The following CMC1 variants were observed in gnomAD, a reference collection of about 807,000 sequenced individuals.
CMC1 encodes the protein COX assembly mitochondrial protein homolog.
CMC1 carries 14 observed loss-of-function variants against 14.1 expected under a neutral mutation model. The observed-to-expected ratio is 0.99, with a 90% confidence interval of 0.66 to 1.55. The LOEUF (loss-of-function observed/expected upper bound fraction) is 1.55. Among genes scored for constraint, CMC1 ranks in the 40% most tolerant of loss-of-function variants. The pLI, the probability that CMC1 is intolerant of heterozygous loss-of-function variation, is 0.00. For missense variants in CMC1, 127 were observed against 123.8 expected (o/e 1.03, Z -0.12); for synonymous variants, 50 against 38.4 (o/e 1.30, Z -1.12).
chr3:28,298,487 A>G (rs557152836), intron 2 of CMC1: 1 of 149,270 alleles, frequency 6.7e-6, no homozygotes, highest in African/African-American at 2.4e-5. Context: ...TTACATATAT[A>G]AAATATAGTA....
intron 2 of CMC1, among the ~76,000 whole-genome samples, chr3:28,303,812 C>T (rs13101128): frequency 0.52 from 79,455 of 151,816 alleles, 21,237 homozygotes; most frequent in Admixed American, 0.55. Flanking sequence ...ATTTATTGAA[C>T]AAATATAAGC....
chr3:28,274,206 G>GTTTTTTTTTTTTT lies in CMC1; in HGVS notation c.109+10831_109+10832insTTTTTTTTTTTTT, dbSNP rs1265139321. Among the ~76,000 whole-genome samples the GTTTTTTTTTTTTT allele has an allele frequency of 5.1e-3, 426 of 82,882 alleles. 36 individuals are homozygous for GTTTTTTTTTTTTT. Among genetic ancestry groups the GTTTTTTTTTTTTT allele is most frequent in the East Asian group, 0.032 (72 of 2,216 alleles). 54.4% of individuals were successfully genotyped at this position (82,882 alleles called of 152,430 possible). A position where few individuals can be genotyped will look rare whatever the true frequency, so the allele number is the denominator to read the frequency against. On this transcript the variant is annotated intron_variant, in intron 2 of 3. Coordinates refer to ENST00000466830, the MANE Select transcript of CMC1 (RefSeq NM_182523.2). ...GTGTCATTGGTCTTTGTACTAAAGTGTTTTTGTTTTTTTCTTTTTTTTTTT... is the reference window on the plus strand; with the variant it reads ...GTGTCATTGGTCTTTGTACTAAAGTGTTTTTTTTTTTTTTTTTTGTTTTTTTCTTTTTTTTTTT...
chr3:28,265,915 T>C (rs879194488), intron 2 of CMC1, among the ~76,000 whole-genome samples: 1 of 152,124 alleles, frequency 6.6e-6, no homozygotes, highest in Admixed American at 6.6e-5. Context: ...CAGCTATAGA[T>C]TTGCAGGGCT....
chr3:28,253,926 G>A (rs189188641), intron 1 of CMC1, among the ~76,000 whole-genome samples: 27 of 152,302 alleles, frequency 1.8e-4, no homozygotes, highest in Admixed American at 7.8e-4. Context: ...TTGCTTCACT[G>A]TTGTCTTTGT....
intron 2 of CMC1, among the ~76,000 whole-genome samples, chr3:28,284,922 C>G (rs1197395855): frequency 6.6e-6 from 1 of 152,150 alleles, no homozygotes; most frequent in African/African-American, 2.4e-5. Flanking sequence ...CTTTTGTATC[C>G]TGTCAATTAT....
intron 3 of CMC1, 103 bp from the exon 4 acceptor site, chr3:28,319,406 G>A (rs1322294653): frequency 8.8e-6 from 9 of 1,024,768 alleles, no homozygotes; most frequent in South Asian, 1.3e-5. Context: ...TCTAAAGATT[G>A]AGCCTGATGA....
At chr3:28,304,736 TATA>T (rs755228355) in intron 2 of CMC1, among the ~76,000 whole-genome samples, 2 of 152,200 alleles carry the variant, frequency 1.3e-5, no homozygotes, top group East Asian at 1.9e-4. Flanking sequence ...CTTTAGAAAG[TATA>T]ATAAGAATTT....
intron 2 of CMC1, among the ~76,000 whole-genome samples, chr3:28,293,307 CTTT>C (rs368066751): frequency 7.1e-6 from 1 of 139,954 alleles, no homozygotes. Context: ...AATAGAGGGA[CTTT>C]TTTTTTTTTT....
rs1432229958 is a variant in CMC1, at chr3:28,323,111, T to G, written c.*3482T>G. 1 of 151,154 alleles carries G rather than the reference T, an allele frequency of 6.6e-6. No individual in the cohort carries two copies. The highest frequency in any genetic ancestry group is 1.9e-4 in the East Asian group (1 of 5,152). 9.4% of individuals were successfully genotyped at this position (151,154 alleles called of 1,614,324 possible). A position where few individuals can be genotyped will look rare whatever the true frequency, so the allele number is the denominator to read the frequency against. Reference sequence around the variant, plus strand: ...TAATAATTTTAAATCACTTTCTCAATAAATAGAATATTACATTTCAACACA... The same window carrying G: ...TAATAATTTTAAATCACTTTCTCAAGAAATAGAATATTACATTTCAACACA... On this transcript the variant is annotated 3_prime_UTR_variant, in exon 4 of 4. Transcript: ENST00000466830.
chr3:28,311,015 C>T (rs1346665472), intron 2 of CMC1, among the ~76,000 whole-genome samples: 2 of 152,224 alleles, frequency 1.3e-5, no homozygotes, highest in Non-Finnish European at 2.9e-5. Flanking sequence ...GCTGTCCCGC[C>T]CGGTTCCTAA....
chr3:28,253,847 A>G lies in CMC1; in HGVS notation c.20-9444A>G, dbSNP rs183200585. On this transcript the variant is annotated intron_variant, in intron 1 of 3. Coordinates refer to ENST00000466830, the MANE Select transcript of CMC1 (RefSeq NM_182523.2). The stretch of plus-strand genomic sequence containing the variant: ...TTAGTTAAATTAGAATGTTTTCATT[A>G]TTGAAAGGGCATAACTTGCCCTTCA... The G allele has an allele frequency of 1.4e-3, 836 of 609,922 alleles. 2 individuals are homozygous for G. The highest frequency in any genetic ancestry group is 2.0e-3 in the Non-Finnish European group (741 of 376,596). The allele number at this position is 609,922 out of a possible 1,614,324, so 37.8% of individuals were successfully genotyped here. A position where few individuals can be genotyped will look rare whatever the true frequency, so the allele number is the denominator to read the frequency against.
intron 2 of CMC1, among the ~76,000 whole-genome samples, chr3:28,264,527 T>C (rs933952860): frequency 6.6e-6 from 1 of 152,166 alleles, no homozygotes. Flanking sequence ...ATGGTTTTAC[T>C]CTTGATTCTT....
intron 2 of CMC1, chr3:28,292,773 G>T (rs1577061141): frequency 6.6e-6 from 1 of 152,072 alleles, no homozygotes; most frequent in African/African-American, 2.4e-5. Flanking sequence ...TAAAAATGTG[G>T]TCTCCAGAAA....
In CMC1 at chr3:28,322,656, A is replaced by AGAT. The variant is rs1303042199; in HGVS notation, c.*3028_*3030dup. 6.6e-6 allele frequency: 1 copy of AGAT among 151,580 alleles called. No individual in the cohort carries two copies. Among genetic ancestry groups the AGAT allele is most frequent in the Non-Finnish European group, 1.5e-5 (1 of 67,414 alleles). 9.4% of individuals were successfully genotyped at this position (151,580 alleles called of 1,614,324 possible). On this transcript the variant is annotated 3_prime_UTR_variant, in exon 4 of 4. Coordinates refer to ENST00000466830, the MANE Select transcript of CMC1 (RefSeq NM_182523.2). ...GGGTTTGGTTCTATTACTTGGCAGG[A>AGAT]GATTGTACTCCCCTGAGTCAGCTGT...
intron 2 of CMC1, chr3:28,315,258 T>G (rs1223640485): frequency 6.6e-6 from 1 of 151,994 alleles, no homozygotes; most frequent in African/African-American, 2.4e-5. Context: ...CAAGACAGAG[T>G]AGTAAGTGGC....
rs763444616 is a variant in CMC1 at position 28,323,204 on chromosome 3, CTTT to C, written c.*3578_*3580del. On this transcript the variant is annotated 3_prime_UTR_variant, in exon 4 of 4. Coordinates refer to ENST00000466830, the MANE Select transcript of CMC1 (RefSeq NM_182523.2). ...GCTGTAGTCTCTTTGAAGAAAATGA[CTTT>C]TTATCATTACACACATTTATGTTTA... 2 of 151,080 alleles carry C rather than the reference CTTT, an allele frequency of 1.3e-5. No individual in the cohort carries two copies. Among genetic ancestry groups the C allele is most frequent in the African/African-American group, 2.4e-5 (1 of 41,286 alleles). The allele number at this position is 151,080 out of a possible 1,614,324, so 9.4% of individuals were successfully genotyped here. A position where few individuals can be genotyped will look rare whatever the true frequency, so the allele number is the denominator to read the frequency against.
intron 2 of CMC1, among the ~76,000 whole-genome samples, chr3:28,270,685 C>T (rs917307578): frequency 1.3e-5 from 2 of 151,262 alleles, no homozygotes; most frequent in South Asian, 4.3e-4. Context: ...CCAAAATTTT[C>T]TCCCATTCTT....
intron 2 of CMC1, among the ~76,000 whole-genome samples, chr3:28,288,394 G>A (rs1701306499): frequency 6.6e-6 from 1 of 151,982 alleles, no homozygotes; most frequent in Non-Finnish European, 1.5e-5. Flanking sequence ...TCTTGTGGTA[G>A]AAGTATCTGA....
At chr3:28,318,791 G>A (rs1477865050) in intron 3 of CMC1, 1 of 153,022 alleles carries the variant, frequency 6.5e-6, no homozygotes, top group Non-Finnish European at 1.5e-5. Flanking sequence ...CAGTTTATTG[G>A]CTATCTTGCC....
Sources: gnomAD v4.1 joint callset for allele counts (sites outside exome capture counted in the v4.1 genomes callset) on GRCh38, gnomAD v4.1.1 for gene constraint, MANE v1.5 for transcripts, NCBI Gene and HGNC (gene_info 2026-07-23, HGNC 2026-07-21) for gene names.